ITIH5: variants seen among roughly 807,000 people sequenced by gnomAD.
ITIH5 encodes the protein inter-alpha-trypsin inhibitor heavy chain 5, also known as inter-alpha-trypsin inhibitor heavy chain H5.
A neutral mutation model predicts 77.5 loss-of-function variants in ITIH5; 65 were observed. The observed-to-expected ratio is 0.84, with a 90% CI of 0.69 to 1.03. ITIH5 has a LOEUF of 1.03. Among genes scored for constraint, ITIH5 ranks in the 50% least tolerant of loss-of-function variants. The pLI, the probability that ITIH5 is intolerant of heterozygous loss-of-function variation, is 0.00. For missense variants in ITIH5, 1,208 were observed against 1,213.1 expected, an observed-to-expected ratio of 1.00 and a Z score of 0.06; for synonymous variants, 525 against 494.3, an observed-to-expected ratio of 1.06 and a Z score of -0.82.
intron 2 of ITIH5, among the ~76,000 whole-genome samples, chr10:7,652,989 C>T (rs974432358): frequency 1.3e-5 from 2 of 151,666 alleles, no homozygotes; most frequent in Non-Finnish European, 2.9e-5. Flanking sequence ...ATGGTTTGAG[C>T]AATAAAAGAA....
rs1236897570 is a variant in ITIH5 at position 7,581,750 on chromosome 10, C to T, written c.1109-1686G>A. ...TTTTTTTTTTTTTTTTTTTTAGAGA[C>T]AGGGTCTCACTATGTTGCCCAGGCT... On this transcript the variant is annotated intron_variant, in intron 8 of 13. Transcript: ENST00000397146. Among the ~76,000 whole-genome samples, 3 of 100,400 alleles carry T rather than the reference C, an allele frequency of 3.0e-5. 1 individual carries two copies. The highest frequency in any genetic ancestry group is 1.1e-4 in the African/African-American group (3 of 26,980). The allele number at this position is 100,400 out of a possible 152,430, so 65.9% of individuals were successfully genotyped here. A position where few individuals can be genotyped will look rare whatever the true frequency, so the allele number is the denominator to read the frequency against.
In ITIH5 at chr10:7,566,320, A is replaced by G. The variant is rs757273591; in HGVS notation, c.2237T>C (p.Ile746Thr). The change falls in exon 13 of 14, where the codon ATC becomes ACC. Residue 746 changes from isoleucine to threonine, a missense_variant. Ile to Thr is a moderately conservative substitution (Grantham distance 89, BLOSUM62 -1). Transcript: ENST00000397146. ...AGATCTCTCTGGCTTGTTGATGAGG[A>G]TGGTGATAGTGCGCAAGTAAGTGCG... ...KQRTYLRTIT[I>T]LINKPERSYL... is the part of the protein sequence containing the mutation. 6.2e-7 allele frequency: 1 copy of G among 1,613,530 alleles called. No individual in the cohort carries two copies. The highest frequency in any genetic ancestry group is 2.2e-5 in the East Asian group (1 of 44,866).
intron 5 of ITIH5, chr10:7,620,913 C>T (rs1833464973): frequency 6.6e-6 from 1 of 152,220 alleles, no homozygotes; most frequent in African/African-American, 2.4e-5. Flanking sequence ...GGAATAATCC[C>T]CCCCACGAGG....
chr10:7,643,713 C>T (rs1017723608), intron 2 of ITIH5, among the ~76,000 whole-genome samples: 2 of 152,190 alleles, frequency 1.3e-5, no homozygotes, highest in African/African-American at 4.8e-5. Context: ...ATTTACAGCC[C>T]TAGGCCTGTT....
chr10:7,661,376 C>T (rs1312413137), intron 1 of ITIH5, among the ~76,000 whole-genome samples: 1 of 152,154 alleles, frequency 6.6e-6, no homozygotes, highest in East Asian at 1.9e-4. Context: ...TAAGGGCATT[C>T]TGAAATGCTG....
intron 7 of ITIH5, among the ~76,000 whole-genome samples, chr10:7,608,334 C>T (rs539009468): frequency 2.8e-4 from 43 of 152,334 alleles, no homozygotes; most frequent in African/African-American, 9.6e-4. Context: ...GGCTGGAGTG[C>T]AATGGCGCCA....
chr10:7,565,271 G>C (rs1395980591), intron 13 of ITIH5, among the ~76,000 whole-genome samples: 1 of 141,746 alleles, frequency 7.1e-6, no homozygotes, highest in Non-Finnish European at 1.5e-5. Flanking sequence ...TACACAGACT[G>C]TACATATATA....
At chr10:7,565,565 C>G (rs1343129437) in intron 13 of ITIH5, among the ~76,000 whole-genome samples, 1 of 148,788 alleles carries the variant, frequency 6.7e-6, no homozygotes, top group Non-Finnish European at 1.5e-5. Flanking sequence ...TATATACATA[C>G]AGACGGTATA....
rs759769443 is a variant in ITIH5, at chr10:7,566,195, C to A, written c.2362G>T (p.Val788Leu). 2.5e-6 allele frequency: 4 copies of A among 1,613,874 alleles called. No individual in the cohort carries two copies. Among genetic ancestry groups the A allele is most frequent in the Non-Finnish European group, 3.4e-6 (4 of 1,179,986 alleles). The change falls in exon 13 of 14, where the codon GTG becomes TTG. Residue 788 changes from valine to leucine, a missense_variant. Transcript: ENST00000397146. ...SVVVGSWGLE[V>L]SVSANANVTV... is the part of the protein sequence containing the mutation. ...ACATTGGCGTTGGCAGACACGGACA[C>A]CTCCAGCCCCCAGCTCCCCACCACC...
chr10:7,565,985 A>G (rs1232520685), intron 13 of ITIH5, 45 bp downstream of exon 13: 8 of 1,565,868 alleles, frequency 5.1e-6, no homozygotes, highest in African/African-American at 1.4e-5. Flanking sequence ...TGGGAAATGT[A>G]ACTCTGCCCT....
chr10:7,600,387 G>A, intron 7 of ITIH5: 1 of 373,106 alleles, frequency 2.7e-6, no homozygotes. Flanking sequence ...CTTCAGTCTA[G>A]CACATTCTCA....
At chr10:7,624,904 C>T (rs1466108766) in intron 5 of ITIH5, among the ~76,000 whole-genome samples, 11 of 113,124 alleles carry the variant, frequency 9.7e-5, no homozygotes, top group Middle Eastern at 4.4e-3. Flanking sequence ...TATATACATA[C>T]ATATATATAT....
chr10:7,569,347 C>G (rs1329784331), intron 12 of ITIH5: 1 of 214,046 alleles, frequency 4.7e-6, no homozygotes, highest in Non-Finnish European at 9.2e-6. Flanking sequence ...AGCACTTCAG[C>G]ATTTAAAAAA....
intron 7 of ITIH5, among the ~76,000 whole-genome samples, chr10:7,600,894 C>T (rs1833001728): frequency 6.6e-6 from 1 of 152,166 alleles, no homozygotes; most frequent in Admixed American, 6.5e-5. Context: ...GTGGGCCCTC[C>T]CCAGACACAG....
chr10:7,661,736 T>G (rs553782622), intron 1 of ITIH5, among the ~76,000 whole-genome samples: 10 of 152,290 alleles, frequency 6.6e-5, no homozygotes, highest in African/African-American at 2.2e-4. Flanking sequence ...TCTCAACTCA[T>G]ACCACCCAGG....
At chr10:7,601,990 C>G (rs1384916952) in intron 7 of ITIH5, among the ~76,000 whole-genome samples, 1 of 152,138 alleles carries the variant, frequency 6.6e-6, no homozygotes, top group Non-Finnish European at 1.5e-5. Context: ...GCAGCTGGGA[C>G]TACAGGTACG....
rs146482500 is a variant in ITIH5, at chr10:7,665,520, G to A, written c.90+1283C>T. 1.8e-4 allele frequency among the ~76,000 whole-genome samples: 27 copies of A among 152,334 alleles called. No homozygotes were observed. In the East Asian group the frequency reaches 5.0e-3, roughly 28 times the overall value. ...CGAAAGGCACTTGATCAGGGTCCCA[G>A]AGCTGATAAGTGACAGAATCAAGAA... is the stretch of plus-strand genomic sequence containing the variant. On this transcript the variant is annotated intron_variant, in intron 1 of 13. Transcript: ENST00000397146.
chr10:7,615,556 T>C (rs977703004), intron 7 of ITIH5, among the ~76,000 whole-genome samples: 2 of 152,222 alleles, frequency 1.3e-5, no homozygotes, highest in Non-Finnish European at 2.9e-5. Flanking sequence ...TTAAGATTCA[T>C]CCTAAATTTT....
Position 7,563,062 on chromosome 10 carries a change from G to C in ITIH5, c.*21C>G. ...CCACATCACTGTCCTTCATGCACTT[G>C]CATCTTTAAGGCTGCCAGCTTCAGA... On this transcript the variant is annotated 3_prime_UTR_variant, in exon 14 of 14. Coordinates refer to ENST00000397146, the MANE Select transcript of ITIH5 (RefSeq NM_030569.7). 6.2e-7 allele frequency: 1 copy of C among 1,609,216 alleles called. No individual in the cohort carries two copies. The highest frequency in any genetic ancestry group is 8.5e-7 in the Non-Finnish European group (1 of 1,175,486).
Sources: gnomAD v4.1 joint callset for allele counts (sites outside exome capture counted in the v4.1 genomes callset) on GRCh38, gnomAD v4.1.1 for gene constraint, MANE v1.5 for transcripts, NCBI Gene and HGNC (gene_info 2026-07-23, HGNC 2026-07-21) for gene names.